Variants in ENOX1 observed in about 807,000 individuals in gnomAD.
The protein encoded by ENOX1 is candidate growth-related and time keeping constitutive hydroquinone (NADH) oxidase.
ENOX1 carries 42 observed loss-of-function variants against 82.5 expected under a neutral mutation model. That is an observed-to-expected ratio of 0.51 (90% CI 0.40 to 0.66). The LOEUF is 0.66. ENOX1 is among the 30% of genes least tolerant of loss of function. The pLI is 0.00. For synonymous variants in ENOX1, 271 were observed against 282.2 expected, an observed-to-expected ratio of 0.96 and a Z score of 0.40; for missense variants, 608 against 811.6, an observed-to-expected ratio of 0.75 and a Z score of 3.05.
chr13:43,578,901 A>G (rs912049120), intron 2 of ENOX1, among the ~76,000 whole-genome samples: 3 of 152,188 alleles, frequency 2.0e-5, no homozygotes, highest in Admixed American at 2.0e-4. Flanking sequence ...TGTTAATTTT[A>G]TTTCTATTCT....
intron 2 of ENOX1, among the ~76,000 whole-genome samples, chr13:43,501,482 C>G (rs2076979052): frequency 6.6e-6 from 1 of 151,700 alleles, no homozygotes; most frequent in South Asian, 2.1e-4. Flanking sequence ...GCATATAGAA[C>G]ATTCTCTAGG....
At chr13:43,256,023 T>G (rs1017098373) in intron 14 of ENOX1, among the ~76,000 whole-genome samples, 3 of 152,190 alleles carry the variant, frequency 2.0e-5, no homozygotes, top group Non-Finnish European at 4.4e-5. Context: ...TATAGCCAAC[T>G]GATTTTCAAC....
At chr13:43,769,883 C>T (rs1439749952) in intron 1 of ENOX1, among the ~76,000 whole-genome samples, 2 of 152,224 alleles carry the variant, frequency 1.3e-5, no homozygotes, top group East Asian at 1.9e-4. Flanking sequence ...AAGCTCACAA[C>T]AGGCAGTTGA....
chr13:43,628,792 A>T (rs932928943), intron 2 of ENOX1, among the ~76,000 whole-genome samples: 25 of 152,114 alleles, frequency 1.6e-4, no homozygotes, highest in Non-Finnish European at 2.9e-4. Flanking sequence ...GCCATCTCAT[A>T]TTGCCAGGTA....
chr13:43,515,898 A>C (rs1208301749), intron 2 of ENOX1, among the ~76,000 whole-genome samples: 1 of 152,096 alleles, frequency 6.6e-6, no homozygotes, highest in Non-Finnish European at 1.5e-5. Context: ...AAACCTGGAC[A>C]CTTCCTGGAT....
At chr13:43,501,960 T>C (rs926298435) in intron 2 of ENOX1, among the ~76,000 whole-genome samples, 1 of 151,544 alleles carries the variant, frequency 6.6e-6, no homozygotes, top group African/African-American at 2.4e-5. Flanking sequence ...AAAGAGTTGG[T>C]TTTTTGAAAA....
At chr13:43,649,542 CTT>C (rs1222935796) in intron 2 of ENOX1, among the ~76,000 whole-genome samples, 2 of 152,106 alleles carry the variant, frequency 1.3e-5, no homozygotes. Flanking sequence ...AGAGTTCACA[CTT>C]TGATAATTCA....
chr13:43,677,680 T>G lies in ENOX1; in HGVS notation c.-284-10136A>C, dbSNP rs1458545482. Among the ~76,000 whole-genome samples, 10 of 152,288 alleles carry G rather than the reference T, an allele frequency of 6.6e-5. No homozygotes were observed. In the South Asian group the frequency reaches 2.1e-3, roughly 32 times the overall value. ...ACACTATAACTTTCTTTGCAAAGCA[T>G]TTTTTTACATGTATGGTATCTTTTA... is the stretch of plus-strand genomic sequence containing the variant. On this transcript the variant is annotated intron_variant, in intron 1 of 16. Transcript: ENST00000690772.
chr13:43,558,964 C>T (rs549285420), intron 2 of ENOX1, among the ~76,000 whole-genome samples: 1 of 152,204 alleles, frequency 6.6e-6, no homozygotes, highest in Non-Finnish European at 1.5e-5. Flanking sequence ...GAAAGTTTTT[C>T]TGTTTTCCTC....
rs773414423 is a variant in ENOX1 at position 43,322,515 on chromosome 13, A to G, written c.1144-14T>C. 20 of 1,608,750 alleles carry G rather than the reference A, an allele frequency of 1.2e-5. No homozygotes were observed. The highest frequency in any genetic ancestry group is 1.6e-5 in the Non-Finnish European group (19 of 1,175,962). On this transcript the variant is annotated splice_polypyrimidine_tract_variant and intron_variant, in intron 10 of 16. Transcript: ENST00000690772. ...ATTCCGGAGCTCCTGCAAGTAGAGG[A>G]TACACAAATGTCAGAGTCACAGACA...
At chr13:43,248,563 T>C (rs1415115797) in intron 14 of ENOX1, among the ~76,000 whole-genome samples, 1 of 152,158 alleles carries the variant, frequency 6.6e-6, no homozygotes. Context: ...TTAATTTTTT[T>C]GGAGACCAAA....
chr13:43,522,211 C>T (rs1040669014), intron 2 of ENOX1, among the ~76,000 whole-genome samples: 1 of 151,988 alleles, frequency 6.6e-6, no homozygotes, highest in East Asian at 1.9e-4. Flanking sequence ...AATATTTTTA[C>T]TACTAAACCA....
chr13:43,646,623 GA>G (rs1485325145), intron 2 of ENOX1, among the ~76,000 whole-genome samples: 1 of 152,144 alleles, frequency 6.6e-6, no homozygotes, highest in Non-Finnish European at 1.5e-5. Flanking sequence ...TGCGCTGATT[GA>G]TTACATGCTG....
rs757537656 is a variant in ENOX1 at position 43,224,054 on chromosome 13, T to C, written c.1799A>G (p.Lys600Arg). ...GTTCACTCGAGCAAAATAATTTACC[T>C]TGGAGTCCAGCTGCTGCATGTATGA... Reference protein sequence around the residue: ...LWSYMQQLDSKISANEIEMLL... With the variant: ...LWSYMQQLDSRISANEIEMLL... Residue 600 changes from lysine to arginine, a missense_variant and splice_region_variant, in exon 16 of 17, where the codon AAG becomes AGG. By Grantham distance (26) the Lys-to-Arg change is conservative (BLOSUM62 2). Coordinates refer to ENST00000690772, the MANE Select transcript of ENOX1 (RefSeq NM_001347969.2). The C allele has an allele frequency of 1.2e-5, 20 of 1,612,904 alleles. No homozygotes were observed. In the African/African-American group the frequency reaches 1.5e-4, roughly 12 times the overall value.
At chr13:43,316,057 G>T (rs896746937) in intron 11 of ENOX1, among the ~76,000 whole-genome samples, 1 of 152,112 alleles carries the variant, frequency 6.6e-6, no homozygotes, top group African/African-American at 2.4e-5. Context: ...AAGATTGGTT[G>T]CTCATGTCCT....
At chr13:43,751,784 G>T (rs113226021) in intron 1 of ENOX1, among the ~76,000 whole-genome samples, 2,267 of 152,210 alleles carry the variant, frequency 0.015, 50 homozygotes, top group African/African-American at 0.05. Context: ...TTTACCTGTT[G>T]ATGGACATGT....
intron 1 of ENOX1, among the ~76,000 whole-genome samples, chr13:43,711,475 A>G (rs2087710263): frequency 6.6e-6 from 1 of 152,290 alleles, no homozygotes; most frequent in Non-Finnish European, 1.5e-5. Flanking sequence ...TTCTAGTTCT[A>G]GATCCCTGAG....
At chr13:43,322,637 C>A (rs1250890566) in intron 10 of ENOX1, 136 bp from the exon 11 acceptor site, 2 of 708,808 alleles carry the variant, frequency 2.8e-6, no homozygotes, top group East Asian at 2.7e-5. Flanking sequence ...CTCACCTAAC[C>A]TAAAGGAGGT....
chr13:43,758,688 A>G lies in ENOX1; in HGVS notation c.-285+27964T>C, dbSNP rs1289529468. On this transcript the variant is annotated intron_variant, in intron 1 of 16. Coordinates refer to ENST00000690772, the MANE Select transcript of ENOX1 (RefSeq NM_001347969.2). ...CTATATCTCAAAATAAGTTTAATTT[A>G]AACTAATTACCTGAATGGCTTTGGG... Among the ~76,000 whole-genome samples, 9 of 152,220 alleles carry G rather than the reference A, an allele frequency of 5.9e-5. No homozygotes were observed. The East Asian group carries it at 1.5e-3, about 26-fold the overall frequency.
Sources: gnomAD v4.1 joint callset for allele counts (sites outside exome capture counted in the v4.1 genomes callset) on GRCh38, gnomAD v4.1.1 for gene constraint, MANE v1.5 for transcripts, NCBI Gene and HGNC (gene_info 2026-07-23, HGNC 2026-07-21) for gene names.